Variants in SNX7 observed in about 807,000 individuals in gnomAD.
SNX7 encodes the protein sorting nexin-7.
Under a neutral mutation model 48.4 loss-of-function variants are expected in SNX7, and 35 were observed. The ratio of observed to expected loss-of-function variants is 0.72; its 90% confidence interval spans 0.55 to 0.96. The LOEUF is 0.96. Ranked by LOEUF, SNX7 falls within the 40% of genes least tolerant of loss-of-function variation. The probability of loss-of-function intolerance (pLI) is 0.00; values close to 1 mark genes in which losing one functional copy is unlikely to be tolerated. For missense variants in SNX7, 553 were observed against 548.9 expected (o/e 1.01, Z -0.07); for synonymous variants, 190 against 190.2 (o/e 1.00, Z 0.01).
intron 8 of SNX7, 64 bp downstream of exon 8, chr1:98,738,453 C>T: frequency 1.3e-6 from 2 of 1,497,458 alleles, no homozygotes; most frequent in Non-Finnish European, 1.8e-6. Context: ...TTTGGTCCGT[C>T]CAATGTTGAA....
intron 7 of SNX7, among the ~76,000 whole-genome samples, chr1:98,736,377 C>CT (rs747703216): frequency 1.3e-5 from 2 of 152,184 alleles, no homozygotes; most frequent in Non-Finnish European, 2.9e-5. Context: ...AGGAGGCTCT[C>CT]TAACGTCCCT....
chr1:98,684,178 G>C (rs1408607983), intron 1 of SNX7, among the ~76,000 whole-genome samples: 1 of 152,040 alleles, frequency 6.6e-6, no homozygotes, highest in African/African-American at 2.4e-5. Flanking sequence ...AGTTTTCTCT[G>C]CACTGCTATT....
intron 8 of SNX7, among the ~76,000 whole-genome samples, chr1:98,757,042 C>A (rs1654889732): frequency 6.6e-6 from 1 of 152,010 alleles, no homozygotes; most frequent in Non-Finnish European, 1.5e-5. Flanking sequence ...TGTAGCACCA[C>A]CTCCACCACT....
chr1:98,738,365 G>A lies in SNX7; in HGVS notation c.1254G>A (p.Glu418=), dbSNP rs1399107728. ...AGTTAGCATTTACAGATATGGCTGA[G>A]GAGAATATCCATTATTATGAACAGG... ...DIKLAFTDMA[E]ENIHYYEQCL... is the part of the protein sequence containing the mutation. Residue 418 remains glutamate, a synonymous_variant, in exon 8 of 9, where the codon GAG becomes GAA. Coordinates refer to ENST00000306121, the MANE Select transcript of SNX7 (RefSeq NM_015976.5). 13 of 1,613,200 alleles carry A rather than the reference G, an allele frequency of 8.1e-6. No individual in the cohort carries two copies. Among genetic ancestry groups the A allele is most frequent in the Non-Finnish European group, 1.0e-5 (12 of 1,179,572 alleles).
At position 98,695,588 on chromosome 1, in the gene SNX7, C is replaced by G. The variant is rs756173460; in HGVS notation, c.710C>G (p.Ala237Gly). 2 of 1,614,072 alleles carry G rather than the reference C, an allele frequency of 1.2e-6. No individual in the cohort carries two copies. Among genetic ancestry groups the G allele is most frequent in the Admixed American group, 1.7e-5 (1 of 60,028 alleles). Residue 237 changes from alanine to glycine, a missense_variant, in exon 5 of 9, where the codon GCG (alanine) becomes GGG (glycine). Ala to Gly is a moderately conservative substitution (Grantham distance 60). Coordinates refer to ENST00000306121, the MANE Select transcript of SNX7 (RefSeq NM_015976.5). ...ATGGGGCAAACCGTCAGAGCTGTTGCGTCCTCAATGAGAGGAGTTAAAAAC... is the reference window on the plus strand; with the variant it reads ...ATGGGGCAAACCGTCAGAGCTGTTGGGTCCTCAATGAGAGGAGTTAAAAAC... ...SRMGQTVRAVASSMRGVKNRP... is the reference protein window; with the variant it reads ...SRMGQTVRAVGSSMRGVKNRP...
chr1:98,702,561 A>G (rs1188599847), intron 7 of SNX7, among the ~76,000 whole-genome samples: 1 of 152,010 alleles, frequency 6.6e-6, no homozygotes, highest in Non-Finnish European at 1.5e-5. Context: ...GTATTTTTAT[A>G]TTTATATTTT....
Position 98,760,166 on chromosome 1 carries a change from C to T in SNX7, c.*35C>T. 1.1e-5 allele frequency: 16 copies of T among 1,467,890 alleles called. No homozygotes were observed. The highest frequency in any genetic ancestry group is 1.5e-5 in the Non-Finnish European group (16 of 1,048,022). 90.9% of individuals were successfully genotyped at this position (1,467,890 alleles called of 1,614,324 possible). ...GGACTTCTGTTTGATCTTTGGGAGACAGCATTTATTAACCAAAGTTATTCT... is the reference window on the plus strand; with the variant it reads ...GGACTTCTGTTTGATCTTTGGGAGATAGCATTTATTAACCAAAGTTATTCT... On this transcript the variant is annotated 3_prime_UTR_variant, in exon 9 of 9. Transcript: ENST00000306121.
chr1:98,716,816 A>C (rs1303061089), intron 7 of SNX7, among the ~76,000 whole-genome samples: 1 of 152,248 alleles, frequency 6.6e-6, no homozygotes, highest in East Asian at 1.9e-4. Context: ...AAAAGGAATA[A>C]AAGTTTGGTG....
chr1:98,688,493 A>G (rs931732435), intron 2 of SNX7, among the ~76,000 whole-genome samples: 1 of 152,208 alleles, frequency 6.6e-6, no homozygotes, highest in African/African-American at 2.4e-5. Context: ...AAACAAACCT[A>G]TAAATGCCTG....
intron 2 of SNX7, among the ~76,000 whole-genome samples, chr1:98,690,215 A>C (rs572978815): frequency 6.6e-6 from 1 of 152,174 alleles, no homozygotes; most frequent in African/African-American, 2.4e-5. Flanking sequence ...ACTGCATGTA[A>C]TTTTTAATAT....
intron 1 of SNX7, among the ~76,000 whole-genome samples, chr1:98,682,449 C>A (rs1650554462): frequency 6.6e-6 from 1 of 151,930 alleles, no homozygotes; most frequent in Non-Finnish European, 1.5e-5. Context: ...AAGAAGCTTC[C>A]AAAGAATAGG....
Position 98,721,856 on chromosome 1 carries a change from AT to A in SNX7, c.1126-16374del, listed in dbSNP as rs1214157403. On this transcript the variant is annotated intron_variant, in intron 7 of 8. Coordinates refer to ENST00000306121, the MANE Select transcript of SNX7 (RefSeq NM_015976.5). ...CATCTAAAGAGGTAAAGGACTGTGA[AT>A]TTTTTTGTTTTATTTTTAAGGAGCC... 2.0e-5 allele frequency among the ~76,000 whole-genome samples: 3 copies of A among 152,080 alleles called. No homozygotes were observed. The East Asian group carries it at 5.8e-4, about 29-fold the overall frequency.
At chr1:98,743,233 G>A (rs1654161712) in intron 8 of SNX7, among the ~76,000 whole-genome samples, 1 of 151,788 alleles carries the variant, frequency 6.6e-6, no homozygotes, top group Admixed American at 6.6e-5. Flanking sequence ...CATGGGGAGA[G>A]GTGATCCAAA....
At chr1:98,721,733 G>A (rs938060725) in intron 7 of SNX7, among the ~76,000 whole-genome samples, 34 of 152,018 alleles carry the variant, frequency 2.2e-4, no homozygotes, top group African/African-American at 7.7e-4. Context: ...TTGATTTTTG[G>A]CTTTGAAATA....
At chr1:98,717,971 A>G (rs1033007952) in intron 7 of SNX7, among the ~76,000 whole-genome samples, 2 of 152,156 alleles carry the variant, frequency 1.3e-5, no homozygotes, top group African/African-American at 4.8e-5. Flanking sequence ...TAATGCATTT[A>G]AAGAGCTGTT....
intron 8 of SNX7, among the ~76,000 whole-genome samples, chr1:98,759,752 T>G (rs1029714999): frequency 1.3e-5 from 2 of 152,092 alleles, no homozygotes; most frequent in Non-Finnish European, 2.9e-5. Flanking sequence ...TCCAGCTGGG[T>G]CCATCTTTGC....
chr1:98,718,506 C>T (rs1652702345), intron 7 of SNX7, among the ~76,000 whole-genome samples: 1 of 152,078 alleles, frequency 6.6e-6, no homozygotes, highest in Admixed American at 6.6e-5. Flanking sequence ...TTTCATTCAT[C>T]CCGTAAGATA....
intron 1 of SNX7, among the ~76,000 whole-genome samples, chr1:98,674,827 T>A (rs1650070478): frequency 6.6e-6 from 1 of 152,190 alleles, no homozygotes; most frequent in African/African-American, 2.4e-5. Context: ...TAAAAGACCA[T>A]GAATTCTTGC....
In SNX7 at chr1:98,760,314, GT is replaced by G; in HGVS notation, c.*184del. 1.7e-6 allele frequency: 1 copy of G among 571,680 alleles called. No homozygotes were observed. Among genetic ancestry groups the G allele is most frequent in the Non-Finnish European group, 3.1e-6 (1 of 320,098 alleles). 35.4% of individuals were successfully genotyped at this position (571,680 alleles called of 1,614,324 possible). ...CATGAATTTGAAGATATATCTATCT[GT>G]ATGGATATATATCTATATGTATATA... On this transcript the variant is annotated 3_prime_UTR_variant, in exon 9 of 9. Coordinates refer to ENST00000306121, the MANE Select transcript of SNX7 (RefSeq NM_015976.5).
Sources: gnomAD v4.1 joint callset for allele counts (sites outside exome capture counted in the v4.1 genomes callset) on GRCh38, gnomAD v4.1.1 for gene constraint, MANE v1.5 for transcripts, NCBI Gene and HGNC (gene_info 2026-07-23, HGNC 2026-07-21) for gene names.